The following FAM3C variants were observed in gnomAD, a reference collection of about 807,000 sequenced individuals.
FAM3C encodes the protein protein FAM3C.
A neutral mutation model predicts 32.5 loss-of-function variants in FAM3C; 15 were observed. That is an observed-to-expected ratio of 0.46 (90% confidence interval 0.31 to 0.71). The LOEUF (loss-of-function observed/expected upper bound fraction) is 0.71, where lower values mean the gene tolerates loss of function less well. Among genes scored for constraint, FAM3C ranks in the 30% least tolerant of loss-of-function variants. The pLI is 0.05. For missense variants in FAM3C, 175 were observed against 274.4 expected (o/e 0.64, Z 2.56); for synonymous variants, 75 against 86.1 (o/e 0.87, Z 0.72).
At chr7:121,364,257 T>C (rs1411231854) in intron 5 of FAM3C, 69 bp from the exon 6 acceptor site, 1 of 1,068,462 alleles carries the variant, frequency 9.4e-7, no homozygotes, top group Non-Finnish European at 1.4e-6. Context: ...AAAAATAAAG[T>C]CTTGCAAAAA....
intron 6 of FAM3C, among the ~76,000 whole-genome samples, chr7:121,363,433 A>T (rs1793965837): frequency 6.6e-6 from 1 of 152,140 alleles, no homozygotes; most frequent in Admixed American, 6.5e-5. Context: ...ACAGATGTTG[A>T]ACCTTTTACC....
At chr7:121,356,631 T>C (rs907898951) in intron 8 of FAM3C, among the ~76,000 whole-genome samples, 9 of 152,178 alleles carry the variant, frequency 5.9e-5, no homozygotes, top group Non-Finnish European at 7.4e-5. Flanking sequence ...GAGGTATTCA[T>C]AGAGAACAAG....
intron 1 of FAM3C, among the ~76,000 whole-genome samples, chr7:121,384,807 C>T (rs1794434522): frequency 6.6e-6 from 1 of 152,160 alleles, no homozygotes; most frequent in South Asian, 2.1e-4. Context: ...TAACATGCCT[C>T]AATTAATTTC....
intron 8 of FAM3C, among the ~76,000 whole-genome samples, chr7:121,358,416 A>T (rs1793853184): frequency 6.6e-6 from 1 of 152,052 alleles, no homozygotes; most frequent in East Asian, 1.9e-4. Context: ...TATCCTTGAT[A>T]AGTCATCTGA....
chr7:121,369,941 A>C (rs1282315028), intron 5 of FAM3C, among the ~76,000 whole-genome samples: 2 of 151,944 alleles, frequency 1.3e-5, no homozygotes, highest in Non-Finnish European at 2.9e-5. Context: ...CCTGCTAGTA[A>C]ACAGTCTGAT....
At chr7:121,350,918 A>G (rs1465611386) in intron 9 of FAM3C, among the ~76,000 whole-genome samples, 1 of 152,204 alleles carries the variant, frequency 6.6e-6, no homozygotes, top group Non-Finnish European at 1.5e-5. Context: ...TCCTATTCCA[A>G]TGCATTGTCC....
At chr7:121,391,717 G>A (rs1033316072) in intron 1 of FAM3C, among the ~76,000 whole-genome samples, 6 of 152,168 alleles carry the variant, frequency 3.9e-5, no homozygotes, top group African/African-American at 1.4e-4. Context: ...CATCGCCCAA[G>A]GGTCCTGGAT....
At position 121,362,890 on chromosome 7, in the gene FAM3C, T is replaced by A. The variant is rs769095911; in HGVS notation, c.382+7A>T. On this transcript the variant is annotated splice_region_variant and intron_variant, in intron 7 of 9. Transcript: ENST00000359943. Reference sequence around the variant, plus strand: ...CAAAAGAACACAGTCATGTTATTTATGCTTACCTCCTCCCCACATGTCAAA... The same window carrying A: ...CAAAAGAACACAGTCATGTTATTTAAGCTTACCTCCTCCCCACATGTCAAA... The A allele has an allele frequency of 6.6e-7, 1 of 1,513,014 alleles. No individual in the cohort carries two copies. The highest frequency in any genetic ancestry group is 1.4e-5 in the African/African-American group (1 of 72,708). 93.7% of individuals were successfully genotyped at this position (1,513,014 alleles called of 1,614,324 possible).
chr7:121,393,519 G>T (rs1418787438), intron 1 of FAM3C, among the ~76,000 whole-genome samples: 1 of 152,118 alleles, frequency 6.6e-6, no homozygotes, highest in Non-Finnish European at 1.5e-5. Context: ...AAAACTCACT[G>T]AAGTTAGAAA....
chr7:121,373,493 A>G (rs905059713), intron 3 of FAM3C, among the ~76,000 whole-genome samples: 1 of 152,182 alleles, frequency 6.6e-6, no homozygotes, highest in Non-Finnish European at 1.5e-5. Flanking sequence ...TTTCCCCTCA[A>G]ACTACACTGA....
chr7:121,384,567 T>G (rs1794428486), intron 1 of FAM3C, among the ~76,000 whole-genome samples: 1 of 152,196 alleles, frequency 6.6e-6, no homozygotes, highest in Non-Finnish European at 1.5e-5. Flanking sequence ...TGATGTTCTA[T>G]TTCACTGTTT....
At chr7:121,388,912 C>G (rs1794520974) in intron 1 of FAM3C, among the ~76,000 whole-genome samples, 1 of 152,138 alleles carries the variant, frequency 6.6e-6, no homozygotes. Context: ...CTCCACAATC[C>G]ACCATAAACT....
At chr7:121,366,401 C>A (rs1358391457) in intron 5 of FAM3C, among the ~76,000 whole-genome samples, 1 of 152,002 alleles carries the variant, frequency 6.6e-6, no homozygotes, top group East Asian at 1.9e-4. Flanking sequence ...ATGGAGGAAG[C>A]CTGAAAACAT....
At chr7:121,375,643 G>T (rs1794225875) in intron 3 of FAM3C, among the ~76,000 whole-genome samples, 1 of 152,180 alleles carries the variant, frequency 6.6e-6, no homozygotes, top group African/African-American at 2.4e-5. Flanking sequence ...GACAAAGGGT[G>T]AGGACAGACA....
chr7:121,382,775 T>G (rs1317127153), intron 2 of FAM3C, among the ~76,000 whole-genome samples, 182 bp downstream of exon 2: 1 of 152,042 alleles, frequency 6.6e-6, no homozygotes, highest in Non-Finnish European at 1.5e-5. Context: ...AAAATTTATG[T>G]GATACTGACT....
At chr7:121,359,197 A>C (rs1793874701) in intron 8 of FAM3C, among the ~76,000 whole-genome samples, 1 of 152,044 alleles carries the variant, frequency 6.6e-6, no homozygotes, top group Non-Finnish European at 1.5e-5. Context: ...CTTTAAAAAA[A>C]AGAAGTCTAT....
chr7:121,392,706 G>A (rs924670661), intron 1 of FAM3C, among the ~76,000 whole-genome samples: 4 of 152,174 alleles, frequency 2.6e-5, no homozygotes, highest in African/African-American at 9.7e-5. Context: ...AGCAAGCCTT[G>A]TAGAGATTAT....
Position 121,360,077 on chromosome 7 carries a change from C to T in FAM3C, c.433G>A (p.Val145Ile). 1.3e-6 allele frequency: 2 copies of T among 1,598,632 alleles called. No homozygotes were observed. The highest frequency in any genetic ancestry group is 1.7e-6 in the Non-Finnish European group (2 of 1,166,874). Residue 145 changes from valine (V) to isoleucine (I), a missense_variant, in exon 8 of 10, where the codon GTT becomes ATT. By Grantham distance (29) the Val-to-Ile change is conservative. Transcript: ENST00000359943. ...FLKAIQDGTI[V>I]LMGTYDDGAT... is the part of the protein sequence containing the mutation. ...CCATCATCGTATGTTCCCATTAAAA[C>T]TATTGTTCCATCTTGTATGGCCTTC...
At position 121,371,202 on chromosome 7, in the gene FAM3C, A is replaced by G. The variant is rs940535743; in HGVS notation, c.272+98T>C. 7 of 1,377,994 alleles carry G rather than the reference A, an allele frequency of 5.1e-6. No homozygotes were observed. In the Admixed American group the frequency reaches 1.4e-4, roughly 27 times the overall value. The allele number at this position is 1,377,994 out of a possible 1,614,324, so 85.4% of individuals were successfully genotyped here. Reference sequence around the variant, plus strand: ...AATGGAAATCACTTTCCATTAATAAAGTATACCGAACACATTTTCAAAATA... The same window carrying G: ...AATGGAAATCACTTTCCATTAATAAGGTATACCGAACACATTTTCAAAATA... On this transcript the variant is annotated intron_variant, in intron 5 of 9. Coordinates refer to ENST00000359943, the MANE Select transcript of FAM3C (RefSeq NM_014888.3).
Sources: allele counts gnomAD v4.1 joint callset (sites outside exome capture counted in the v4.1 genomes callset), GRCh38; gene constraint gnomAD v4.1.1; transcripts MANE v1.5; gene names NCBI Gene and HGNC (gene_info 2026-07-23, HGNC 2026-07-21).